The following HTR1E variants were observed in gnomAD, a reference collection of about 807,000 sequenced individuals.
HTR1E encodes 5-HT-1E.
Under a neutral mutation model 3.4 loss-of-function variants are expected in HTR1E, and 3 were observed. The observed-to-expected ratio is 0.89, with a 90% confidence interval of 0.41 to 2.31. HTR1E has a LOEUF of 2.31. Ranked by LOEUF, HTR1E falls within the 30% of genes most tolerant of loss-of-function variation. The probability of loss-of-function intolerance (pLI) is 0.05; values close to 1 mark genes in which losing one functional copy is unlikely to be tolerated. For missense variants in HTR1E, 392 were observed against 467.0 expected, an observed-to-expected ratio of 0.84 and a Z score of 1.48; for synonymous variants, 170 against 182.8, an observed-to-expected ratio of 0.93 and a Z score of 0.56.
intron 1 of HTR1E, among the ~76,000 whole-genome samples, chr6:86,969,346 G>A (rs1160169152): frequency 6.6e-5 from 10 of 151,904 alleles, no homozygotes; most frequent in African/African-American, 2.4e-4. Context: ...ATACTTTCAT[G>A]ATATAAAAGG....
At position 87,016,254 on chromosome 6, in the gene HTR1E, T is replaced by G. The variant is rs1353145523; in HGVS notation, c.920T>G (p.Phe307Cys). 1 of 1,614,102 alleles carries G rather than the reference T, an allele frequency of 6.2e-7. No homozygotes were observed. ...LGAFILSWLPFFIKELIVGLS... is the reference protein window; with the variant it reads ...LGAFILSWLPCFIKELIVGLS... The stretch of plus-strand genomic sequence containing the variant: ...GCATTCATTTTATCCTGGCTGCCAT[T>G]TTTCATCAAAGAGTTGATTGTGGGT... The change falls in exon 2 of 2, where the codon TTT becomes TGT. Residue 307 changes from phenylalanine to cysteine, a missense_variant. This residue lies in a region of HTR1E where 178 missense variants were observed against 164.9 expected (regional missense o/e 1.08). Coordinates refer to ENST00000305344, the MANE Select transcript of HTR1E (RefSeq NM_000865.3).
At chr6:87,013,122 C>T (rs1768261938) in intron 1 of HTR1E, among the ~76,000 whole-genome samples, 2 of 152,192 alleles carry the variant, frequency 1.3e-5, no homozygotes. Flanking sequence ...GAAACTCTTC[C>T]TGGATGAGAA....
At position 87,006,100 on chromosome 6, in the gene HTR1E, G is replaced by A. The variant is rs549059510; in HGVS notation, c.-185-9050G>A. On this transcript the variant is annotated intron_variant, in intron 1 of 1. Coordinates refer to ENST00000305344, the MANE Select transcript of HTR1E (RefSeq NM_000865.3). Reference sequence around the variant, plus strand: ...AATAACAAATGCTGGTGAAGAATTGGAGAAAATGGAATCCTTGTACACTGT... The same window carrying A: ...AATAACAAATGCTGGTGAAGAATTGAAGAAAATGGAATCCTTGTACACTGT... Among the ~76,000 whole-genome samples, 110 of 152,326 alleles carry A rather than the reference G, an allele frequency of 7.2e-4. 1 individual carries two copies. Among genetic ancestry groups the A allele is most frequent in the African/African-American group, 2.6e-3 (107 of 41,582 alleles).
chr6:86,988,041 C>A (rs1405681335), intron 1 of HTR1E, among the ~76,000 whole-genome samples: 1 of 152,124 alleles, frequency 6.6e-6, no homozygotes, highest in Non-Finnish European at 1.5e-5. Context: ...TTGATCTTCA[C>A]AATAACTTTG....
intron 1 of HTR1E, among the ~76,000 whole-genome samples, chr6:86,965,189 G>T (rs186867470): frequency 6.6e-6 from 1 of 152,154 alleles, no homozygotes; most frequent in Non-Finnish European, 1.5e-5. Context: ...TCCATCCTGG[G>T]CATGCTCACT....
chr6:86,970,152 T>C (rs571671621), intron 1 of HTR1E, among the ~76,000 whole-genome samples: 1 of 152,340 alleles, frequency 6.6e-6, no homozygotes, highest in African/African-American at 2.4e-5. Flanking sequence ...GGGAAGAAAC[T>C]GTGTCTTAAT....
At chr6:86,951,858 G>A (rs1336029298) in intron 1 of HTR1E, among the ~76,000 whole-genome samples, 1 of 152,086 alleles carries the variant, frequency 6.6e-6, no homozygotes, top group Non-Finnish European at 1.5e-5. Context: ...CAGTATATTT[G>A]GACCCCAGAT....
At chr6:86,968,784 CAG>C (rs1304642965) in intron 1 of HTR1E, among the ~76,000 whole-genome samples, 4 of 152,082 alleles carry the variant, frequency 2.6e-5, no homozygotes, top group Admixed American at 1.3e-4. Flanking sequence ...TTTTACGTTA[CAG>C]AGTTATCTAG....
At chr6:86,954,375 G>A (rs1408757082) in intron 1 of HTR1E, among the ~76,000 whole-genome samples, 2 of 152,044 alleles carry the variant, frequency 1.3e-5, no homozygotes, top group Admixed American at 1.3e-4. Flanking sequence ...GACCCTAGAG[G>A]CCTGCCCCAC....
chr6:86,956,809 T>A (rs1217995334), intron 1 of HTR1E, among the ~76,000 whole-genome samples: 2 of 152,240 alleles, frequency 1.3e-5, no homozygotes, highest in Non-Finnish European at 2.9e-5. Context: ...TTGCACACAT[T>A]ATTTATGGAG....
chr6:86,969,226 A>G (rs1041365420), intron 1 of HTR1E, among the ~76,000 whole-genome samples: 1 of 152,190 alleles, frequency 6.6e-6, no homozygotes, highest in African/African-American at 2.4e-5. Flanking sequence ...CAGAAACAGC[A>G]ATATGCAGGA....
At chr6:86,975,223 C>T (rs1427515758) in intron 1 of HTR1E, among the ~76,000 whole-genome samples, 3 of 152,204 alleles carry the variant, frequency 2.0e-5, no homozygotes, top group Non-Finnish European at 4.4e-5. Context: ...GGTTCCAACT[C>T]CATTGAGTTT....
intron 1 of HTR1E, among the ~76,000 whole-genome samples, chr6:86,941,775 TA>T (rs1768548980): frequency 6.6e-6 from 1 of 151,678 alleles, no homozygotes; most frequent in Non-Finnish European, 1.5e-5. Flanking sequence ...CAGCAGCAGC[TA>T]GCAGTTCTAA....
At chr6:86,985,285 GAA>G (rs1047324036) in intron 1 of HTR1E, among the ~76,000 whole-genome samples, 7 of 151,984 alleles carry the variant, frequency 4.6e-5, no homozygotes, top group African/African-American at 1.7e-4. Flanking sequence ...GAAAAAAAAA[GAA>G]AGTTTTTGAA....
At chr6:86,953,937 G>T (rs527992203) in intron 1 of HTR1E, among the ~76,000 whole-genome samples, 1 of 152,232 alleles carries the variant, frequency 6.6e-6, no homozygotes, top group South Asian at 2.1e-4. Context: ...TAAACAACCA[G>T]ATCTCGTGAG....
chr6:86,989,422 A>T (rs1457372976), intron 1 of HTR1E, among the ~76,000 whole-genome samples: 2 of 152,192 alleles, frequency 1.3e-5, no homozygotes, highest in East Asian at 3.8e-4. Flanking sequence ...AGCTATTTAT[A>T]CTTTGCAGAC....
intron 1 of HTR1E, among the ~76,000 whole-genome samples, chr6:86,964,829 T>C (rs920496150): frequency 1.3e-5 from 2 of 152,218 alleles, no homozygotes; most frequent in African/African-American, 2.4e-5. Context: ...ATTTAAATCA[T>C]AGGAATTATA....
chr6:86,947,874 A>T (rs75175909), intron 1 of HTR1E, among the ~76,000 whole-genome samples: 25,110 of 151,898 alleles, frequency 0.17, 2,396 homozygotes, highest in East Asian at 0.28. Context: ...TCCTTTTTTT[A>T]AAAAATTTTA....
At chr6:87,010,823 G>T (rs986732583) in intron 1 of HTR1E, among the ~76,000 whole-genome samples, 1 of 151,892 alleles carries the variant, frequency 6.6e-6, no homozygotes, top group African/African-American at 2.4e-5. Flanking sequence ...CGGGCCCCGC[G>T]GGGCCCGTCC....
Sources: allele counts gnomAD v4.1 joint callset (sites outside exome capture counted in the v4.1 genomes callset), GRCh38; gene constraint gnomAD v4.1.1; regional missense constraint gnomAD v4.1.1; transcripts MANE v1.5; gene names NCBI Gene and HGNC (gene_info 2026-07-23, HGNC 2026-07-21).